KLHL32: variants seen among roughly 807,000 people sequenced by gnomAD.
KLHL32 encodes the protein kelch like family member 32.
A neutral mutation model predicts 64.8 loss-of-function variants in KLHL32; 35 were observed. That is an observed-to-expected ratio of 0.54 (90% CI 0.41 to 0.72). The LOEUF (loss-of-function observed/expected upper bound fraction) is 0.72, where lower values mean the gene tolerates loss of function less well. Ranked by LOEUF, KLHL32 falls within the 30% of genes least tolerant of loss-of-function variation. The pLI, the probability that KLHL32 is intolerant of heterozygous loss-of-function variation, is 0.00. For synonymous variants in KLHL32, 259 were observed against 281.0 expected (o/e 0.92, Z 0.78); for missense variants, 589 against 768.5 (o/e 0.77, Z 2.76).
Position 97,114,525 on chromosome 6 carries a change from T to G in KLHL32, c.1354+16T>G. 1 of 1,612,118 alleles carries G rather than the reference T, an allele frequency of 6.2e-7. No homozygotes were observed. The highest frequency in any genetic ancestry group is 8.5e-7 in the Non-Finnish European group (1 of 1,179,926). ...TGGATATCAGGTAGAACATACCTCA[T>G]GTTGGATTTATCAAAACACACTTTC... On this transcript the variant is annotated intron_variant, in intron 7 of 10. Transcript: ENST00000369261.
At chr6:96,942,657 GTGTGT>G (rs1562178227) in intron 1 of KLHL32, among the ~76,000 whole-genome samples, 79 of 72,890 alleles carry the variant, frequency 1.1e-3, no homozygotes, top group South Asian at 1.5e-3. Flanking sequence ...GCTGTGGGGT[GTGTGT>G]GTGTGTGTGT....
intron 3 of KLHL32, among the ~76,000 whole-genome samples, chr6:97,009,110 G>T (rs1261037319): frequency 6.6e-6 from 1 of 151,494 alleles, no homozygotes; most frequent in African/African-American, 2.4e-5. Context: ...TGGGGCTAAT[G>T]TAGAAATTAA....
chr6:97,031,321 A>G (rs1026780154), intron 3 of KLHL32, among the ~76,000 whole-genome samples: 2 of 150,768 alleles, frequency 1.3e-5, no homozygotes, highest in African/African-American at 4.9e-5. Flanking sequence ...TTTAAAAATT[A>G]TAAGCATTAA....
intron 5 of KLHL32, among the ~76,000 whole-genome samples, chr6:97,084,235 A>G (rs1209081979): frequency 6.6e-6 from 1 of 152,212 alleles, no homozygotes; most frequent in African/African-American, 2.4e-5. Flanking sequence ...GTAAGTTAAA[A>G]GTGAGGGGAA....
chr6:96,973,907 A>AG (rs1463140205), intron 2 of KLHL32, among the ~76,000 whole-genome samples: 6 of 152,000 alleles, frequency 3.9e-5, no homozygotes, highest in African/African-American at 1.5e-4. Flanking sequence ...TTTTTAGTAC[A>AG]GATGGGGTTT....
chr6:97,040,573 G>C (rs1280456676), intron 3 of KLHL32, among the ~76,000 whole-genome samples: 1 of 152,094 alleles, frequency 6.6e-6, no homozygotes. Flanking sequence ...GGCCCTGAGA[G>C]TCTGTACTCA....
chr6:96,941,724 C>A (rs1582414955), intron 1 of KLHL32, among the ~76,000 whole-genome samples: 3 of 151,170 alleles, frequency 2.0e-5, no homozygotes, highest in African/African-American at 7.3e-5. Context: ...GCACAAGGAT[C>A]ACCTGGGTTG....
At chr6:96,941,634 G>A (rs112168871) in intron 1 of KLHL32, among the ~76,000 whole-genome samples, 112 of 152,206 alleles carry the variant, frequency 7.4e-4, no homozygotes, top group African/African-American at 2.3e-3. Flanking sequence ...CGTAATCCAC[G>A]AAAGCCCCTC....
chr6:97,120,254 A>G (rs531447806), intron 7 of KLHL32, among the ~76,000 whole-genome samples: 3 of 152,274 alleles, frequency 2.0e-5, no homozygotes, highest in East Asian at 1.9e-4. Context: ...GAACCTAGGT[A>G]AGCTCACAGG....
chr6:97,139,194 T>TAGC lies in KLHL32; in HGVS notation c.1780_1782dup (p.Ala594dup). On this transcript the variant is annotated inframe_insertion, in exon 11 of 11. Coordinates refer to ENST00000369261, the MANE Select transcript of KLHL32 (RefSeq NM_052904.4). ...ACACTCCCTTTTGCTTCCAATGGAA[T>TAGC]AGCAGCATGCTTCCTTCCAGCTCCA... 6.2e-7 allele frequency: 1 copy of TAGC among 1,613,976 alleles called. No homozygotes were observed. The highest frequency in any genetic ancestry group is 8.5e-7 in the Non-Finnish European group (1 of 1,179,848).
intron 3 of KLHL32, among the ~76,000 whole-genome samples, chr6:97,031,896 G>A (rs1783610228): frequency 6.6e-6 from 1 of 152,144 alleles, no homozygotes; most frequent in African/African-American, 2.4e-5. Context: ...GGAGTCAAAG[G>A]GAGACATGGG....
intron 3 of KLHL32, among the ~76,000 whole-genome samples, chr6:97,005,936 G>GCAGAAGAGAAGAATGTATAGTATGTA (rs1779611303): frequency 6.6e-6 from 1 of 152,118 alleles, no homozygotes; most frequent in East Asian, 1.9e-4. Flanking sequence ...TGTGGTATGT[G>GCAGAAGAGAAGAATGTATAGTATGTA]CAGAAGAGAA....
chr6:97,099,421 A>G (rs1256505949), intron 6 of KLHL32, among the ~76,000 whole-genome samples: 1 of 152,212 alleles, frequency 6.6e-6, no homozygotes, highest in Admixed American at 6.5e-5. Flanking sequence ...AGAATGTTTC[A>G]GACCTGTGAT....
At chr6:97,011,209 T>C (rs1344319970) in intron 3 of KLHL32, among the ~76,000 whole-genome samples, 1 of 152,242 alleles carries the variant, frequency 6.6e-6, no homozygotes, top group Admixed American at 6.5e-5. Flanking sequence ...CTTGAGGTCA[T>C]TTAACAAAAC....
intron 6 of KLHL32, chr6:97,105,344 C>T (rs911151768): frequency 2.3e-6 from 1 of 432,130 alleles, no homozygotes; most frequent in Non-Finnish European, 4.8e-6. Flanking sequence ...TTCTTGTTGC[C>T]CAAGAGCTCA....
At chr6:96,926,065 G>T (rs1769120510) in intron 1 of KLHL32, among the ~76,000 whole-genome samples, 1 of 152,146 alleles carries the variant, frequency 6.6e-6, no homozygotes, top group Non-Finnish European at 1.5e-5. Flanking sequence ...GAGGTCTCGG[G>T]TGTCTATTGG....
chr6:97,055,118 T>A (rs1349098346), intron 4 of KLHL32, among the ~76,000 whole-genome samples: 1 of 152,214 alleles, frequency 6.6e-6, no homozygotes, highest in Non-Finnish European at 1.5e-5. Flanking sequence ...AATGTTAATC[T>A]GTTTCCCTAG....
chr6:96,950,204 G>A (rs768029236), intron 1 of KLHL32, among the ~76,000 whole-genome samples: 2 of 151,366 alleles, frequency 1.3e-5, no homozygotes, highest in Admixed American at 1.3e-4. Flanking sequence ...TGTTTTTGGA[G>A]GTGTCTGAAA....
At chr6:97,031,297 G>A (rs567596369) in intron 3 of KLHL32, among the ~76,000 whole-genome samples, 2 of 151,952 alleles carry the variant, frequency 1.3e-5, no homozygotes, top group South Asian at 4.2e-4. Flanking sequence ...TTAATCTTTA[G>A]ATTAGTTCTA....
Sources: gnomAD v4.1 joint callset for allele counts (sites outside exome capture counted in the v4.1 genomes callset) on GRCh38, gnomAD v4.1.1 for gene constraint, MANE v1.5 for transcripts, NCBI Gene and HGNC (gene_info 2026-07-23, HGNC 2026-07-21) for gene names.